ZNF516: variants seen among roughly 807,000 people sequenced by gnomAD.
ZNF516 encodes zinc finger protein 516.
A neutral mutation model predicts 79.7 loss-of-function variants in ZNF516; 19 were observed. That is an observed-to-expected ratio of 0.24 (90% CI 0.17 to 0.35). The LOEUF (loss-of-function observed/expected upper bound fraction) is 0.35, where lower values mean the gene tolerates loss of function less well. ZNF516 is among the 10% of genes least tolerant of loss of function. The pLI is 1.00. For missense variants in ZNF516, 1,678 were observed against 1,679.5 expected, an observed-to-expected ratio of 1.00 and a Z score of 0.02; for synonymous variants, 877 against 739.5, an observed-to-expected ratio of 1.19 and a Z score of -3.02.
At chr18:76,404,750 T>G (rs2075281306) in intron 3 of ZNF516, among the ~76,000 whole-genome samples, 3 of 151,918 alleles carry the variant, frequency 2.0e-5, no homozygotes, top group Non-Finnish European at 4.4e-5. Flanking sequence ...TGTGTGTGCA[T>G]GAGCATATGA....
intron 3 of ZNF516, among the ~76,000 whole-genome samples, chr18:76,416,931 GAA>G: frequency 6.7e-6 from 1 of 149,044 alleles, no homozygotes; most frequent in East Asian, 2.0e-4. Context: ...AAACAAAAAA[GAA>G]AAAAAAACGA....
intron 3 of ZNF516, among the ~76,000 whole-genome samples, chr18:76,397,877 G>C (rs751687779): frequency 1.3e-5 from 2 of 152,218 alleles, no homozygotes; most frequent in Non-Finnish European, 2.9e-5. Flanking sequence ...TTACAGACAT[G>C]AGCCACTGCG....
At chr18:76,466,633 C>T (rs552596874) in intron 1 of ZNF516, among the ~76,000 whole-genome samples, 2 of 152,244 alleles carry the variant, frequency 1.3e-5, no homozygotes, top group Non-Finnish European at 1.5e-5. Flanking sequence ...TGGACAGGCT[C>T]TCTAGACAGC....
chr18:76,465,577 G>T (rs1295436685), intron 1 of ZNF516, among the ~76,000 whole-genome samples: 1 of 152,178 alleles, frequency 6.6e-6, no homozygotes, highest in Non-Finnish European at 1.5e-5. Flanking sequence ...ACAAAGGCAG[G>T]GCTGGAAAGA....
chr18:76,490,801 G>C (rs1239365746), intron 1 of ZNF516: 1 of 985,346 alleles, frequency 1.0e-6, no homozygotes, highest in Non-Finnish European at 1.2e-6. Flanking sequence ...CACACGACGA[G>C]CGGACCGGAG....
At chr18:76,494,867 C>A (rs1219895916) in intron 1 of ZNF516, among the ~76,000 whole-genome samples, 4 of 147,942 alleles carry the variant, frequency 2.7e-5, no homozygotes, top group Non-Finnish European at 4.5e-5. Flanking sequence ...CCCTCCACTG[C>A]GGTAAAAACC....
chr18:76,425,988 T>G (rs559041266), intron 3 of ZNF516, among the ~76,000 whole-genome samples: 6 of 152,258 alleles, frequency 3.9e-5, no homozygotes, highest in Admixed American at 1.3e-4. Context: ...AACATAAGAC[T>G]GCCTTCATGT....
At chr18:76,366,305 A>G (rs531432116) in intron 6 of ZNF516, among the ~76,000 whole-genome samples, 1 of 152,250 alleles carries the variant, frequency 6.6e-6, no homozygotes, top group African/African-American at 2.4e-5. Flanking sequence ...GAATATTCAA[A>G]TATTAATATG....
intron 3 of ZNF516, among the ~76,000 whole-genome samples, chr18:76,383,680 C>T (rs1252289256): frequency 6.6e-6 from 1 of 152,228 alleles, no homozygotes; most frequent in Non-Finnish European, 1.5e-5. Flanking sequence ...CCCGGACCCT[C>T]TTCTGACCGA....
intron 1 of ZNF516, among the ~76,000 whole-genome samples, chr18:76,480,522 C>T (rs113568985): frequency 0.28 from 27,224 of 97,282 alleles, 2,761 homozygotes; most frequent in South Asian, 0.46. Flanking sequence ...CACACACACA[C>T]ACATATATTT....
intron 3 of ZNF516, among the ~76,000 whole-genome samples, chr18:76,390,179 T>C (rs4891160): frequency 0.41 from 62,430 of 151,970 alleles, 13,150 homozygotes; most frequent in East Asian, 0.49. Context: ...GCATTGAGTA[T>C]GCGCTAAGGT....
At chr18:76,421,387 G>A (rs142727367) in intron 3 of ZNF516, among the ~76,000 whole-genome samples, 1 of 152,298 alleles carries the variant, frequency 6.6e-6, no homozygotes, top group East Asian at 1.9e-4. Flanking sequence ...AGTTGCTCCA[G>A]GGCTTCGAGC....
Position 76,442,885 on chromosome 18 carries a change from G to A in ZNF516, c.170C>T (p.Thr57Met), listed in dbSNP as rs1319861520. ...SSLSQHMRKH[T>M]GEKPYKCPYC... ...GGGACACTTGTAGGGCTTCTCGCCC[G>A]TGTGCTTGCGCATGTGCTGCGAAAG... Residue 57 changes from threonine (T) to methionine (M), a missense_variant, in exon 3 of 7, where the codon ACG becomes ATG. Physicochemically the swap from Thr to Met is moderately conservative, Grantham distance 81. This residue lies in a region of ZNF516 where 26 missense variants were observed against 66.4 expected (regional missense o/e 0.39). Transcript: ENST00000443185. 4 of 1,613,650 alleles carry A rather than the reference G, an allele frequency of 2.5e-6. No individual in the cohort carries two copies. Among genetic ancestry groups the A allele is most frequent in the Non-Finnish European group, 3.4e-6 (4 of 1,179,828 alleles).
Position 76,493,033 on chromosome 18 carries a change from C to T in ZNF516, c.-272+2111G>A, listed in dbSNP as rs140634987. On this transcript the variant is annotated intron_variant, in intron 1 of 6. Transcript: ENST00000443185. The surrounding 1 kb of genome is among the most constrained non-coding windows in gnomAD (Gnocchi z 5.2). ...ACCTCCGGGATGGAGAAAGCCGCTG[C>T]GGATTGGCCAGCAGAGCCGTCACTC... 1 of 985,448 alleles carries T rather than the reference C, an allele frequency of 1.0e-6. No homozygotes were observed. Among genetic ancestry groups the T allele is most frequent in the Non-Finnish European group, 1.2e-6 (1 of 830,026 alleles). 61.0% of individuals were successfully genotyped at this position (985,448 alleles called of 1,614,324 possible).
intron 3 of ZNF516, among the ~76,000 whole-genome samples, chr18:76,424,879 A>G (rs2075571258): frequency 6.7e-6 from 1 of 148,468 alleles, no homozygotes; most frequent in Admixed American, 6.7e-5. Context: ...TCCATGAAAC[A>G]CACATGCAGG....
At position 76,359,316 on chromosome 18, in the gene ZNF516, G is replaced by C. The variant is rs912913408; in HGVS notation, c.*3182C>G. Reference sequence around the variant, plus strand: ...TTCACCTGGCTTTGAAGCCAAATCTGTATGGTGCTGAGAATGAAATCTGTC... The same window carrying C: ...TTCACCTGGCTTTGAAGCCAAATCTCTATGGTGCTGAGAATGAAATCTGTC... On this transcript the variant is annotated 3_prime_UTR_variant, in exon 7 of 7. Transcript: ENST00000443185. The C allele has an allele frequency of 6.6e-6, 1 of 152,222 alleles. No individual in the cohort carries two copies. The highest frequency in any genetic ancestry group is 6.5e-5 in the Admixed American group (1 of 15,284). The allele number at this position is 152,222 out of a possible 1,614,324, so 9.4% of individuals were successfully genotyped here. A position where few individuals can be genotyped will look rare whatever the true frequency, so the allele number is the denominator to read the frequency against.
At chr18:76,417,381 T>TA (rs1159482612) in intron 3 of ZNF516, among the ~76,000 whole-genome samples, 1 of 152,234 alleles carries the variant, frequency 6.6e-6, no homozygotes, top group African/African-American at 2.4e-5. Flanking sequence ...GAGAAACTTT[T>TA]AAAATCTCAA....
chr18:76,441,647 C>G lies in ZNF516; in HGVS notation c.1408G>C (p.Ala470Pro). Reference sequence around the variant, plus strand: ...CGCGGGGGCCCCTGCGCGGCTGGTGCATCCTGCTCACGCTTGCGCTTCTCC... The same window carrying G: ...CGCGGGGGCCCCTGCGCGGCTGGTGGATCCTGCTCACGCTTGCGCTTCTCC... Reference protein sequence around the residue: ...SQEKRKREQDAPAAQGPPRKR... With the variant: ...SQEKRKREQDPPAAQGPPRKR... The change falls in exon 3 of 7, where the codon GCA becomes CCA. Residue 470 changes from alanine to proline, a missense_variant. Transcript: ENST00000443185. The G allele has an allele frequency of 6.5e-7, 1 of 1,533,020 alleles. No homozygotes were observed. Among genetic ancestry groups the G allele is most frequent in the South Asian group, 1.2e-5 (1 of 83,016 alleles). 95.0% of individuals were successfully genotyped at this position (1,533,020 alleles called of 1,614,324 possible).
chr18:76,473,719 T>A (rs899503246), intron 1 of ZNF516, among the ~76,000 whole-genome samples: 3 of 151,196 alleles, frequency 2.0e-5, no homozygotes, highest in African/African-American at 4.9e-5. Context: ...GAGGACGGCG[T>A]GAACCCAGGA....
Sources: gnomAD v4.1 joint callset for allele counts (sites outside exome capture counted in the v4.1 genomes callset) on GRCh38, gnomAD v4.1.1 for gene constraint, gnomAD v4.1.1 regional missense constraint, Gnocchi (gnomAD v3.1) non-coding constraint, MANE v1.5 for transcripts, NCBI Gene and HGNC (gene_info 2026-07-23, HGNC 2026-07-21) for gene names.